ZNF614: variants seen among roughly 807,000 people sequenced by gnomAD.
ZNF614 encodes the protein zinc finger protein 614.
A neutral mutation model predicts 12.8 loss-of-function variants in ZNF614; 11 were observed. The observed-to-expected ratio is 0.86, with a 90% confidence interval of 0.54 to 1.43. The LOEUF is 1.43. ZNF614 is among the 40% of genes most tolerant of loss of function. The pLI, the probability that ZNF614 is intolerant of heterozygous loss-of-function variation, is 0.00. For missense variants in ZNF614, 664 were observed against 708.8 expected, an observed-to-expected ratio of 0.94 and a Z score of 0.72; for synonymous variants, 237 against 237.5, an observed-to-expected ratio of 1.00 and a Z score of 0.02.
Position 52,015,707 on chromosome 19 carries a change from C to T in ZNF614, c.*133G>A. 2 of 831,262 alleles carry T rather than the reference C, an allele frequency of 2.4e-6. No homozygotes were observed. Among genetic ancestry groups the T allele is most frequent in the South Asian group, 1.7e-5 (1 of 58,032 alleles). The allele number at this position is 831,262 out of a possible 1,614,324, so 51.5% of individuals were successfully genotyped here. On this transcript the variant is annotated 3_prime_UTR_variant, in exon 5 of 5. Transcript: ENST00000270649. The stretch of plus-strand genomic sequence containing the variant: ...TTATTTCACCTCCTGAGGACAGACA[C>T]ACATCTGTCAACAGGCAGCACCATG...
At position 52,018,021 on chromosome 19, in the gene ZNF614, A is replaced by C. The variant is rs2086911155; in HGVS notation, c.225T>G (p.Asn75Lys). 1.2e-6 allele frequency: 2 copies of C among 1,613,790 alleles called. No homozygotes were observed. Among genetic ancestry groups the C allele is most frequent in the Admixed American group, 1.7e-5 (1 of 60,006 alleles). Residue 75 changes from asparagine to lysine, a missense_variant, in exon 4 of 5, where the codon AAT (asparagine) becomes AAG (lysine). Asn to Lys is a moderately conservative substitution (Grantham distance 94). Coordinates refer to ENST00000270649, the MANE Select transcript of ZNF614 (RefSeq NM_025040.4). ...GTTCTCACTTACCTGGACAATTTTT[A>C]TTCTGAATTTTAGCATCTGTTGTCC... ...EPWTTDAKIQ[N>K]KNCPGIGKVD...
Position 52,015,611 on chromosome 19 carries a change from AAT to A in ZNF614, c.*227_*228del. On this transcript the variant is annotated 3_prime_UTR_variant, in exon 5 of 5. Transcript: ENST00000270649. ...ATTCAACGTATTTTCATTGACAGAA[AAT>A]ATGAGGTAAAAGACCACTAAAGGCA... 2.3e-6 allele frequency: 1 copy of A among 442,114 alleles called. No individual in the cohort carries two copies. Among genetic ancestry groups the A allele is most frequent in the Non-Finnish European group, 4.0e-6 (1 of 249,762 alleles). The allele number at this position is 442,114 out of a possible 1,614,324, so 27.4% of individuals were successfully genotyped here. A position where few individuals can be genotyped will look rare whatever the true frequency, so the allele number is the denominator to read the frequency against.
chr19:52,027,060 T>C (rs1023288734), intron 1 of ZNF614, among the ~76,000 whole-genome samples: 6 of 152,210 alleles, frequency 3.9e-5, no homozygotes, highest in East Asian at 1.9e-4. Context: ...AGTGCTGGTC[T>C]CCTGGGCCCA....
Position 52,017,306 on chromosome 19 carries a change from G to C in ZNF614, c.292C>G (p.Leu98Val). The C allele has an allele frequency of 6.2e-7, 1 of 1,612,992 alleles. No individual in the cohort carries two copies. The highest frequency in any genetic ancestry group is 8.5e-7 in the Non-Finnish European group (1 of 1,179,764). ...LQEHSPNQRL[L>V]KSVQQCNGQN... ...CCATTGCATTGCTGCACGCTCTTCAGAAGTCTTTGGTTTGGAGAGTGCTCT... is the reference window on the plus strand; with the variant it reads ...CCATTGCATTGCTGCACGCTCTTCACAAGTCTTTGGTTTGGAGAGTGCTCT... Residue 98 changes from leucine to valine, a missense_variant, in exon 5 of 5, where the codon CTG becomes GTG. Physicochemically the swap from Leu to Val is conservative, Grantham distance 32. Coordinates refer to ENST00000270649, the MANE Select transcript of ZNF614 (RefSeq NM_025040.4).
Position 52,017,254 on chromosome 19 carries a change from T to C in ZNF614, c.344A>G (p.His115Arg). The change falls in exon 5 of 5, where the codon CAT becomes CGT. Residue 115 changes from histidine (H) to arginine (R), a missense_variant. Transcript: ENST00000270649. Reference sequence around the variant, plus strand: ...TATAGGAAAATGTGTCTTGCTGAGATGTACAATATTTCTAAGTGTATTCTG... The same window carrying C: ...TATAGGAAAATGTGTCTTGCTGAGACGTACAATATTTCTAAGTGTATTCTG... Reference protein sequence around the residue: ...NGQNTLRNIVHLSKTHFPIVQ... With the variant: ...NGQNTLRNIVRLSKTHFPIVQ... 1.2e-6 allele frequency: 2 copies of C among 1,614,112 alleles called. No homozygotes were observed. The highest frequency in any genetic ancestry group is 1.6e-4 in the Middle Eastern group (1 of 6,062).
At chr19:52,019,543 G>A (rs751416580) in intron 2 of ZNF614, among the ~76,000 whole-genome samples, 23 of 152,090 alleles carry the variant, frequency 1.5e-4, no homozygotes, top group Non-Finnish European at 7.3e-5. Context: ...CAAATGCAAA[G>A]GGAAAACTAT....
chr19:52,021,748 A>T (rs73052102), intron 2 of ZNF614, among the ~76,000 whole-genome samples: 47,667 of 151,722 alleles, frequency 0.31, 7,888 homozygotes, highest in South Asian at 0.56. Context: ...GAAAAAAAAA[A>T]AAGGAATAAA....
rs2123117346 is a variant in ZNF614, at chr19:52,016,494, C to T, written c.1104G>A (p.Glu368=). The T allele has an allele frequency of 1.9e-6, 3 of 1,613,780 alleles. No individual in the cohort carries two copies. Among genetic ancestry groups the T allele is most frequent in the Middle Eastern group, 1.7e-4 (1 of 6,056 alleles). Reference sequence around the variant, plus strand: ...CACATTCACTGCACATATAGGGTTTCTCTCCAGTATGAGTTCGCTGATGTA... The same window carrying T: ...CACATTCACTGCACATATAGGGTTTTTCTCCAGTATGAGTTCGCTGATGTA... ...LVVHQRTHTG[E]KPYMCSECGK... is the part of the protein sequence containing the mutation. The change falls in exon 5 of 5, where the codon GAG becomes GAA. Residue 368 remains glutamate, a synonymous_variant. Coordinates refer to ENST00000270649, the MANE Select transcript of ZNF614 (RefSeq NM_025040.4).
chr19:52,026,735 G>A (rs62107522), intron 1 of ZNF614, among the ~76,000 whole-genome samples: 2,700 of 152,306 alleles, frequency 0.018, 75 homozygotes, highest in African/African-American at 0.061. Flanking sequence ...GAATGTCTCC[G>A]TGTAAAACCC....
intron 2 of ZNF614, among the ~76,000 whole-genome samples, chr19:52,021,329 A>G (rs2086931821): frequency 6.6e-6 from 1 of 152,054 alleles, no homozygotes; most frequent in African/African-American, 2.4e-5. Context: ...TAGCCAGGTA[A>G]GCCATGCCCT....
rs572857155 is a variant in ZNF614, at chr19:52,014,439, C to G, written c.*1401G>C. On this transcript the variant is annotated 3_prime_UTR_variant, in exon 5 of 5. Transcript: ENST00000270649. Reference sequence around the variant, plus strand: ...ATCAGATGCCACTCACAAGGACAACCTGCAGTTCTGAATGGTGATAAATTC... The same window carrying G: ...ATCAGATGCCACTCACAAGGACAACGTGCAGTTCTGAATGGTGATAAATTC... 6.6e-6 allele frequency: 1 copy of G among 152,222 alleles called. No homozygotes were observed. The highest frequency in any genetic ancestry group is 6.5e-5 in the Admixed American group (1 of 15,272). The allele number at this position is 152,222 out of a possible 1,614,324, so 9.4% of individuals were successfully genotyped here. A position where few individuals can be genotyped will look rare whatever the true frequency, so the allele number is the denominator to read the frequency against.
In ZNF614 at chr19:52,018,131, C is replaced by CA. The variant is rs760925059; in HGVS notation, c.143-29dup. 2.5e-6 allele frequency: 4 copies of CA among 1,589,138 alleles called. No individual in the cohort carries two copies. In the African/African-American group the frequency reaches 4.0e-5, roughly 16 times the overall value. On this transcript the variant is annotated intron_variant, in intron 3 of 4. Transcript: ENST00000270649. ...GTTCATGAGGAAAGACAAACACAAACATCCTGAATTGGAGTCCAGTATGTC... is the reference window on the plus strand; with the variant it reads ...GTTCATGAGGAAAGACAAACACAAACAATCCTGAATTGGAGTCCAGTATGTC...
intron 2 of ZNF614, among the ~76,000 whole-genome samples, chr19:52,024,031 G>A (rs1026346980): frequency 1.3e-5 from 2 of 152,202 alleles, no homozygotes; most frequent in African/African-American, 4.8e-5. Context: ...ATAAAAGGAT[G>A]AGGTTGAGAG....
rs1428970482 is a variant in ZNF614 at position 52,015,679 on chromosome 19, A to G, written c.*161T>C. On this transcript the variant is annotated 3_prime_UTR_variant, in exon 5 of 5. Transcript: ENST00000270649. ...TATTCATCAAATTGATCTCTAGGGCAAATTATTTCACCTCCTGAGGACAGA... is the reference window on the plus strand; with the variant it reads ...TATTCATCAAATTGATCTCTAGGGCGAATTATTTCACCTCCTGAGGACAGA... 4.5e-6 allele frequency: 3 copies of G among 666,170 alleles called. No homozygotes were observed. The highest frequency in any genetic ancestry group is 7.6e-6 in the Non-Finnish European group (3 of 396,178). 41.3% of individuals were successfully genotyped at this position (666,170 alleles called of 1,614,324 possible).
chr19:52,024,609 G>A (rs1447201591), intron 2 of ZNF614, among the ~76,000 whole-genome samples: 2 of 152,188 alleles, frequency 1.3e-5, no homozygotes, highest in Non-Finnish European at 2.9e-5. Context: ...ATCTGTAACC[G>A]TAGCCCTAAC....
chr19:52,015,989 T>C lies in ZNF614; in HGVS notation c.1609A>G (p.Arg537Gly), dbSNP rs1401740792. The C allele has an allele frequency of 6.2e-7, 1 of 1,614,224 alleles. No homozygotes were observed. The highest frequency in any genetic ancestry group is 1.3e-5 in the African/African-American group (1 of 75,052). ...NVHQRTHTGE[R>G]PYGCSDCEKA... ...TCACAATCACTGCATCCATACGGCCTCTCTCCTGTATGCGTTCTTTGATGT... is the reference window on the plus strand; with the variant it reads ...TCACAATCACTGCATCCATACGGCCCCTCTCCTGTATGCGTTCTTTGATGT... Residue 537 changes from arginine (R) to glycine (G), a missense_variant, in exon 5 of 5, where the codon AGG (arginine) becomes GGG (glycine). Arg to Gly is a moderately radical substitution (Grantham distance 125). Coordinates refer to ENST00000270649, the MANE Select transcript of ZNF614 (RefSeq NM_025040.4).
intron 2 of ZNF614, among the ~76,000 whole-genome samples, chr19:52,021,078 A>T (rs1199026570): frequency 1.3e-5 from 2 of 152,216 alleles, no homozygotes; most frequent in African/African-American, 4.8e-5. Flanking sequence ...GCTTTGATTA[A>T]ACAATTTGGC....
intron 1 of ZNF614, among the ~76,000 whole-genome samples, chr19:52,026,394 T>C (rs184362526): frequency 6.6e-6 from 1 of 152,304 alleles, no homozygotes; most frequent in Non-Finnish European, 1.5e-5. Flanking sequence ...GTTTAATGGA[T>C]TTAGGGCTGT....
In ZNF614 at chr19:52,018,102, C is replaced by A. The variant is rs751142271; in HGVS notation, c.144G>T (p.Gly48=). 1 of 1,613,358 alleles carries A rather than the reference C, an allele frequency of 6.2e-7. No individual in the cohort carries two copies. The highest frequency in any genetic ancestry group is 8.5e-7 in the Non-Finnish European group (1 of 1,179,570). ...GTACATCTGGTTTGCTAGTTTGATA[C>A]CCTGTTCATGAGGAAAGACAAACAC... ...VENYNHLVSL[G]YQTSKPDVLS... Residue 48 remains glycine, a splice_region_variant and synonymous_variant, in exon 4 of 5, where the codon GGG becomes GGT. Transcript: ENST00000270649.
Sources: allele counts gnomAD v4.1 joint callset (sites outside exome capture counted in the v4.1 genomes callset), GRCh38; gene constraint gnomAD v4.1.1; transcripts MANE v1.5; gene names NCBI Gene and HGNC (gene_info 2026-07-23, HGNC 2026-07-21).